The following DPY19L3 variants were observed in gnomAD, a reference collection of about 807,000 sequenced individuals.
DPY19L3 encodes dpy-19 like C-mannosyltransferase 3.
Under a neutral mutation model 92.3 loss-of-function variants are expected in DPY19L3, and 51 were observed. The ratio of observed to expected loss-of-function variants is 0.55; its 90% confidence interval spans 0.44 to 0.70. The LOEUF is 0.70. DPY19L3 is among the 30% of genes least tolerant of loss of function. DPY19L3 has a pLI of 0.00. For synonymous variants in DPY19L3, 309 were observed against 315.2 expected, an observed-to-expected ratio of 0.98 and a Z score of 0.21; for missense variants, 706 against 855.9, an observed-to-expected ratio of 0.82 and a Z score of 2.18.
intron 8 of DPY19L3, among the ~76,000 whole-genome samples, chr19:32,440,558 G>A (rs188894034): frequency 1.4e-3 from 215 of 152,268 alleles, no homozygotes; most frequent in Non-Finnish European, 2.5e-3. Flanking sequence ...ATAGCCCAAG[G>A]ATTTGTGCTC....
At chr19:32,450,234 A>G (rs1014807873) in intron 8 of DPY19L3, among the ~76,000 whole-genome samples, 3 of 152,152 alleles carry the variant, frequency 2.0e-5, no homozygotes, top group Admixed American at 6.5e-5. Context: ...AACAGAGACA[A>G]ATGTCGCGGA....
intron 3 of DPY19L3, among the ~76,000 whole-genome samples, chr19:32,419,084 A>T (rs1298020400): frequency 6.6e-6 from 1 of 151,946 alleles, no homozygotes; most frequent in African/African-American, 2.4e-5. Context: ...AAGATTTTTT[A>T]AAATACCCTT....
intron 3 of DPY19L3, among the ~76,000 whole-genome samples, chr19:32,429,801 T>A (rs1226785425): frequency 6.6e-6 from 1 of 151,982 alleles, no homozygotes; most frequent in African/African-American, 2.4e-5. Flanking sequence ...TGTTCTTAAT[T>A]TGCATGGACA....
At chr19:32,474,173 A>G (rs937138558) in intron 16 of DPY19L3, among the ~76,000 whole-genome samples, 2 of 152,278 alleles carry the variant, frequency 1.3e-5, no homozygotes, top group African/African-American at 4.8e-5. Flanking sequence ...AATAAAGCCA[A>G]GTCCTCAGTG....
In DPY19L3 at chr19:32,483,872, G is replaced by A. The variant is rs1422722827; in HGVS notation, c.*1632G>A. ...AAGCCAATAATGATGCATGCCTGTT[G>A]TAGCTGACAGCATGGGTCAGTACAT... On this transcript the variant is annotated 3_prime_UTR_variant, in exon 19 of 19. Transcript: ENST00000392250. The A allele has an allele frequency of 6.6e-6, 1 of 152,614 alleles. No homozygotes were observed. The highest frequency in any genetic ancestry group is 1.5e-5 in the Non-Finnish European group (1 of 68,036). 9.5% of individuals were successfully genotyped at this position (152,614 alleles called of 1,614,324 possible). A position where few individuals can be genotyped will look rare whatever the true frequency, so the allele number is the denominator to read the frequency against.
At chr19:32,476,295 G>A (rs1198387125) in intron 16 of DPY19L3, among the ~76,000 whole-genome samples, 1 of 152,112 alleles carries the variant, frequency 6.6e-6, no homozygotes, top group Non-Finnish European at 1.5e-5. Context: ...TTTTTCTGCA[G>A]AGGATGTTGA....
intron 8 of DPY19L3, among the ~76,000 whole-genome samples, chr19:32,450,122 AAC>A (rs1344149366): frequency 6.6e-6 from 1 of 152,154 alleles, no homozygotes; most frequent in African/African-American, 2.4e-5. Flanking sequence ...ATGTCCAATA[AAC>A]ACAGGAAAAG....
At chr19:32,468,027 A>G (rs1470151313) in intron 15 of DPY19L3, 10 of 985,032 alleles carry the variant, frequency 1.0e-5, no homozygotes, top group Non-Finnish European at 1.1e-5. Context: ...ATATTAATAT[A>G]TGTCAAACCA....
intron 5 of DPY19L3, 99 bp from the exon 6 acceptor site, chr19:32,437,095 C>A (rs1969167132): frequency 7.0e-7 from 1 of 1,434,010 alleles, no homozygotes; most frequent in South Asian, 1.3e-5. Flanking sequence ...GAATTAGAGG[C>A]AAGCTCCTGC....
chr19:32,442,934 C>G (rs1969368958), intron 8 of DPY19L3, among the ~76,000 whole-genome samples: 1 of 152,178 alleles, frequency 6.6e-6, no homozygotes, highest in African/African-American at 2.4e-5. Flanking sequence ...TCACCATCTC[C>G]CAGAGACATC....
rs572452628 is a variant in DPY19L3 at position 32,409,141 on chromosome 19, G to A, written c.103+785G>A. Among the ~76,000 whole-genome samples, 65 of 152,272 alleles carry A rather than the reference G, an allele frequency of 4.3e-4. 2 individuals are homozygous for A. In the Middle Eastern group the frequency reaches 0.014, roughly 32 times the overall value. On this transcript the variant is annotated intron_variant, in intron 2 of 18. Coordinates refer to ENST00000392250, the MANE Select transcript of DPY19L3 (RefSeq NM_001172774.2). Reference sequence around the variant, plus strand: ...TCAGCCATTAGCGAGTGATTAACACGTTTTGGATAATAGTACTTTCTGAAC... The same window carrying A: ...TCAGCCATTAGCGAGTGATTAACACATTTTGGATAATAGTACTTTCTGAAC...
intron 13 of DPY19L3, 138 bp from the exon 14 acceptor site, chr19:32,463,731 C>G (rs1478999444): frequency 1.1e-6 from 1 of 885,782 alleles, no homozygotes; most frequent in East Asian, 2.5e-5. Context: ...AACAACGAAC[C>G]CTTCGGCAAA....
intron 8 of DPY19L3, among the ~76,000 whole-genome samples, chr19:32,450,243 G>A (rs1969655971): frequency 6.6e-6 from 1 of 152,158 alleles, no homozygotes; most frequent in African/African-American, 2.4e-5. Flanking sequence ...AAATGTCGCG[G>A]ATGTGAAGAA....
chr19:32,433,945 CCTT>C (rs560942719), intron 4 of DPY19L3, among the ~76,000 whole-genome samples: 1 of 152,244 alleles, frequency 6.6e-6, no homozygotes, highest in African/African-American at 2.4e-5. Context: ...AAATTAGTGA[CCTT>C]CTAATTCTGT....
At chr19:32,413,657 CT>C (rs1968275493) in intron 3 of DPY19L3, among the ~76,000 whole-genome samples, 1 of 147,084 alleles carries the variant, frequency 6.8e-6, no homozygotes, top group African/African-American at 2.5e-5. Context: ...AAGAATAATA[CT>C]TATCTTTCAG....
chr19:32,408,272 A>G lies in DPY19L3; in HGVS notation c.19A>G (p.Arg7Gly), dbSNP rs986494331. Residue 7 changes from arginine (R) to glycine (G), a missense_variant, in exon 2 of 19, where the codon AGA becomes GGA. Physicochemically the swap from Arg to Gly is moderately radical, Grantham distance 125. Coordinates refer to ENST00000392250, the MANE Select transcript of DPY19L3 (RefSeq NM_001172774.2). ...TGACATCATGATGTCCATCCGGCAA[A>G]GAAGAGAAATAAGAGCCACAGAAGT... The part of the protein sequence containing the change: MMSIRQ[R>G]REIRATEVSE... 3.1e-6 allele frequency: 5 copies of G among 1,613,098 alleles called. No homozygotes were observed. Among genetic ancestry groups the G allele is most frequent in the Non-Finnish European group, 4.2e-6 (5 of 1,179,892 alleles).
rs376844579 is a variant in DPY19L3, at chr19:32,480,402, T to C, written c.1834T>C (p.Tyr612His). The change falls in exon 18 of 19, where the codon TAT becomes CAT. Residue 612 changes from tyrosine (Y) to histidine (H), a missense_variant. Transcript: ENST00000392250. ...GCATTTTTATGTCTTTTTGAAGGTTTATCAGATATATGCCAAGAGGGCACC... is the reference window on the plus strand; with the variant it reads ...GCATTTTTATGTCTTTTTGAAGGTTCATCAGATATATGCCAAGAGGGCACC... ...SSLRERTRAV[Y>H]QIYAKRAPEE... 2.1e-5 allele frequency: 33 copies of C among 1,606,158 alleles called. No individual in the cohort carries two copies. Among genetic ancestry groups the C allele is most frequent in the Non-Finnish European group, 2.6e-5 (31 of 1,177,634 alleles).
At chr19:32,425,520 C>T (rs1038156505) in intron 3 of DPY19L3, among the ~76,000 whole-genome samples, 1 of 151,008 alleles carries the variant, frequency 6.6e-6, no homozygotes, top group Non-Finnish European at 1.5e-5. Flanking sequence ...CACTGTGCTC[C>T]ATCGTGGGTA....
At chr19:32,480,933 G>A (rs1970654753) in intron 18 of DPY19L3, 1 of 417,152 alleles carries the variant, frequency 2.4e-6, no homozygotes, top group Non-Finnish European at 4.2e-6. Flanking sequence ...GCTGCTGCAT[G>A]GCAGGGATGG....
Sources: allele counts gnomAD v4.1 joint callset (sites outside exome capture counted in the v4.1 genomes callset), GRCh38; gene constraint gnomAD v4.1.1; transcripts MANE v1.5; gene names NCBI Gene and HGNC (gene_info 2026-07-23, HGNC 2026-07-21).